Variants in DDTL observed in about 807,000 individuals in gnomAD.
DDTL encodes the protein D-dopachrome tautomerase like, also known as putative D-dopachrome decarboxylase-like protein.
DDTL carries 1 observed loss-of-function variant against 1.1 expected under a neutral mutation model. The observed-to-expected ratio is 0.91, with a 90% CI of 0.32 to 4.31. DDTL has a LOEUF of 4.31. DDTL is among the 30% of genes most tolerant of loss of function. DDTL has a pLI of 0.17. For synonymous variants in DDTL, 21 were observed against 16.6 expected, an observed-to-expected ratio of 1.26 and a Z score of -0.64; for missense variants, 54 against 48.9, an observed-to-expected ratio of 1.10 and a Z score of -0.31.
At chr22:23,969,301 T>G in intron 2 of DDTL, 8 of 985,480 alleles carry the variant, frequency 8.1e-6, no homozygotes, top group Non-Finnish European at 9.6e-6. Flanking sequence ...GGCACAGACA[T>G]TAGTGGTGGG....
Position 23,971,646 on chromosome 22 carries a change from T to TATC in DDTL, c.*245_*247dup. On this transcript the variant is annotated 3_prime_UTR_variant, in exon 3 of 3. Transcript: ENST00000215770. ...ATCCTTCAGGAGACAGAGAAAAAGATATCATCAGCTCCTTGGCTAATACCA... is the reference window on the plus strand; with the variant it reads ...ATCCTTCAGGAGACAGAGAAAAAGATATCATCATCAGCTCCTTGGCTAATACCA... 2 of 1,605,956 alleles carry TATC rather than the reference T, an allele frequency of 1.2e-6. No individual in the cohort carries two copies. The highest frequency in any genetic ancestry group is 2.2e-5 in the South Asian group (2 of 90,680).
intron 2 of DDTL, 95 bp from the exon 3 acceptor site, chr22:23,971,191 C>G (rs2033893638): frequency 2.0e-6 from 3 of 1,511,882 alleles, no homozygotes; most frequent in South Asian, 1.3e-5. Context: ...GCTGCTCACA[C>G]CTTCCCACAG....
At chr22:23,970,091 C>G (rs879596064) in intron 2 of DDTL, among the ~76,000 whole-genome samples, 1 of 152,010 alleles carries the variant, frequency 6.6e-6, no homozygotes, top group Admixed American at 6.6e-5. Context: ...GTGCTGGAGG[C>G]ATGAAGATGG....
At chr22:23,969,425 TGATG>T in intron 2 of DDTL, 1 of 985,956 alleles carries the variant, frequency 1.0e-6, no homozygotes. Flanking sequence ...CTGACAGAGA[TGATG>T]GAGTGTGCAG....
intron 2 of DDTL, among the ~76,000 whole-genome samples, chr22:23,970,280 T>C (rs1005915199): frequency 4.6e-5 from 7 of 152,016 alleles, no homozygotes; most frequent in Non-Finnish European, 7.4e-5. Context: ...TGTGAGTGAA[T>C]TGTGTGTTTA....
intron 2 of DDTL, among the ~76,000 whole-genome samples, chr22:23,970,267 G>A (rs2146207958): frequency 6.6e-6 from 1 of 152,114 alleles, no homozygotes; most frequent in East Asian, 1.9e-4. Flanking sequence ...TCAGTGAACT[G>A]TGTGTGAGTG....
intron 2 of DDTL, chr22:23,969,409 C>T: frequency 4.1e-6 from 4 of 985,814 alleles, no homozygotes; most frequent in Non-Finnish European, 3.6e-6. Context: ...CCCCTCAGCC[C>T]ACAGACTGAC....
rs369650859 is a variant in DDTL at position 23,971,448 on chromosome 22, C to A, written c.*42C>A. 8 of 1,607,006 alleles carry A rather than the reference C, an allele frequency of 5.0e-6. No individual in the cohort carries two copies. In the African/African-American group the frequency reaches 5.4e-5, roughly 11 times the overall value. ...TATGTGATCACAGGAATGTTGCATG[C>A]GGGATAATCCAAAGCTGGTTATCTC... is the stretch of plus-strand genomic sequence containing the variant. On this transcript the variant is annotated 3_prime_UTR_variant, in exon 3 of 3. Coordinates refer to ENST00000215770, the MANE Select transcript of DDTL (RefSeq NM_001084393.2).
intron 2 of DDTL, 21 bp from the exon 3 acceptor site, chr22:23,971,265 G>A: frequency 1.9e-6 from 3 of 1,604,362 alleles, no homozygotes; most frequent in Non-Finnish European, 1.7e-6. Flanking sequence ...GATCTGAGCA[G>A]TCTAAATCAT....
chr22:23,969,997 G>A (rs779609366), intron 2 of DDTL: 25 of 349,358 alleles, frequency 7.2e-5, no homozygotes, highest in Non-Finnish European at 1.0e-4. Flanking sequence ...CATGTCACCT[G>A]GCAGGAGGAG....
At position 23,971,917 on chromosome 22, in the gene DDTL, G is replaced by C; in HGVS notation, c.*511G>C. The stretch of plus-strand genomic sequence containing the variant: ...CATCTCCATCAGTTTGTGTACTGAG[G>C]GGTACCCTGCCTCCTAATTGCAGGC... On this transcript the variant is annotated 3_prime_UTR_variant, in exon 3 of 3. Coordinates refer to ENST00000215770, the MANE Select transcript of DDTL (RefSeq NM_001084393.2). 3.1e-6 allele frequency: 1 copy of C among 320,940 alleles called. No homozygotes were observed. Among genetic ancestry groups the C allele is most frequent in the Admixed American group, 4.7e-5 (1 of 21,244 alleles). 19.9% of individuals were successfully genotyped at this position (320,940 alleles called of 1,614,324 possible). A position where few individuals can be genotyped will look rare whatever the true frequency, so the allele number is the denominator to read the frequency against.
Position 23,971,884 on chromosome 22 carries a change from C to A in DDTL, c.*478C>A. ...CAGTAGCCTCGGTGTGTGTGCCGTA[C>A]ACTCTATCATCTCCATCAGTTTGTG... On this transcript the variant is annotated 3_prime_UTR_variant, in exon 3 of 3. Transcript: ENST00000215770. 2 of 460,412 alleles carry A rather than the reference C, an allele frequency of 4.3e-6. No individual in the cohort carries two copies. The highest frequency in any genetic ancestry group is 7.7e-6 in the Non-Finnish European group (2 of 259,724). 28.5% of individuals were successfully genotyped at this position (460,412 alleles called of 1,614,324 possible).
rs1262100345 is a variant in DDTL, at chr22:23,971,417, G to A, written c.*11G>A. The A allele has an allele frequency of 1.9e-6, 3 of 1,612,574 alleles. No homozygotes were observed. Among genetic ancestry groups the A allele is most frequent in the Non-Finnish European group, 2.5e-6 (3 of 1,179,196 alleles). ...ATTTATTTCATATGAGGATGAAGAA[G>A]AGGATTATGTGATCACAGGAATGTT... On this transcript the variant is annotated 3_prime_UTR_variant, in exon 3 of 3. Coordinates refer to ENST00000215770, the MANE Select transcript of DDTL (RefSeq NM_001084393.2).
intron 2 of DDTL, chr22:23,969,710 A>G: frequency 1.0e-6 from 1 of 977,686 alleles, no homozygotes; most frequent in Non-Finnish European, 1.2e-6. Flanking sequence ...TCCAAACTAC[A>G]TGGGAGGCTG....
At chr22:23,970,100 G>A (rs1419050418) in intron 2 of DDTL, among the ~76,000 whole-genome samples, 3 of 152,172 alleles carry the variant, frequency 2.0e-5, no homozygotes, top group Admixed American at 2.0e-4. Context: ...GCATGAAGAT[G>A]GGGTGTGTTC....
Position 23,971,697 on chromosome 22 carries a change from C to T in DDTL, c.*291C>T. On this transcript the variant is annotated 3_prime_UTR_variant, in exon 3 of 3. Coordinates refer to ENST00000215770, the MANE Select transcript of DDTL (RefSeq NM_001084393.2). ...CATCTTGCAAGACCCCTGCCAGGTA[C>T]TCCCACTGTGGGTACTCAGGACAGC... 8 of 1,390,430 alleles carry T rather than the reference C, an allele frequency of 5.8e-6. No homozygotes were observed. The highest frequency in any genetic ancestry group is 1.9e-5 in the Admixed American group (1 of 51,838). The allele number at this position is 1,390,430 out of a possible 1,614,324, so 86.1% of individuals were successfully genotyped here.
At position 23,971,606 on chromosome 22, in the gene DDTL, A is replaced by G; in HGVS notation, c.*200A>G. 4 of 1,613,738 alleles carry G rather than the reference A, an allele frequency of 2.5e-6. No homozygotes were observed. The highest frequency in any genetic ancestry group is 2.2e-5 in the East Asian group (1 of 44,880). Reference sequence around the variant, plus strand: ...GCCAATCTGCCAGGACTCCAAGGGGAAAAAGCGGATAAGTATCCTTCAGGA... The same window carrying G: ...GCCAATCTGCCAGGACTCCAAGGGGGAAAAGCGGATAAGTATCCTTCAGGA... On this transcript the variant is annotated 3_prime_UTR_variant, in exon 3 of 3. Coordinates refer to ENST00000215770, the MANE Select transcript of DDTL (RefSeq NM_001084393.2).
chr22:23,971,008 G>A (rs1055760819), intron 2 of DDTL, among the ~76,000 whole-genome samples: 1 of 151,304 alleles, frequency 6.6e-6, no homozygotes, highest in African/African-American at 2.4e-5. Flanking sequence ...AAGGGACACA[G>A]GCAACCCCTG....
At position 23,971,388 on chromosome 22, in the gene DDTL, CTTCAT is replaced by C. The variant is rs2033897326; in HGVS notation, c.390_394del (p.Phe130LeufsTer12). ...AGTCATGTTTGAATGAGGAAGCTCT[CTTCAT>C]TTATTTCATATGAGGATGAAGAAGA... On this transcript the variant is annotated frameshift_variant, in exon 3 of 3. Transcript: ENST00000215770. LOFTEE classifies it high-confidence loss of function. The C allele has an allele frequency of 8.7e-6, 14 of 1,613,864 alleles. No homozygotes were observed. Among genetic ancestry groups the C allele is most frequent in the African/African-American group, 1.3e-5 (1 of 75,046 alleles).
Sources: gnomAD v4.1 joint callset for allele counts (sites outside exome capture counted in the v4.1 genomes callset) on GRCh38, gnomAD v4.1.1 for gene constraint, MANE v1.5 for transcripts, NCBI Gene and HGNC (gene_info 2026-07-23, HGNC 2026-07-21) for gene names.